ITPR1: variants seen among roughly 807,000 people sequenced by gnomAD.
The protein encoded by ITPR1 is inositol 1,4,5-trisphosphate-gated calcium channel ITPR1.
Under a neutral mutation model 318.4 loss-of-function variants are expected in ITPR1, and 96 were observed. That is an observed-to-expected ratio of 0.30 (90% CI 0.26 to 0.36). The LOEUF is 0.36. Among genes scored for constraint, ITPR1 ranks in the 10% least tolerant of loss-of-function variants. The pLI is 1.00. For synonymous variants in ITPR1, 1,312 were observed against 1,289.9 expected (o/e 1.02, Z -0.37); for missense variants, 2,440 against 3,460.2 (o/e 0.71, Z 7.40).
chr3:4,579,013 T>TGACC (rs1378362781), intron 4 of ITPR1, among the ~76,000 whole-genome samples: 8 of 152,312 alleles, frequency 5.3e-5, no homozygotes, highest in African/African-American at 1.7e-4. Flanking sequence ...ATTGCTGATT[T>TGACC]TGCTTCCAGG....
rs531961788 is a variant in ITPR1 at position 4,704,138 on chromosome 3, C to T, written c.4657+1188C>T. On this transcript the variant is annotated intron_variant, in intron 36 of 61. Coordinates refer to ENST00000649015, the MANE Select transcript of ITPR1 (RefSeq NM_001378452.1). ...GAAAAACTACCTGTTGGAGGCCGGG[C>T]GCAGTGGCTCATGCCTGTAATCCCA... Among the ~76,000 whole-genome samples, 130 of 152,272 alleles carry T rather than the reference C, an allele frequency of 8.5e-4. 3 individuals are homozygous for T. The South Asian group carries it at 0.023, about 27-fold the overall frequency.
At chr3:4,656,146 T>C (rs1209710508) in intron 12 of ITPR1, among the ~76,000 whole-genome samples, 1 of 152,224 alleles carries the variant, frequency 6.6e-6, no homozygotes, top group Non-Finnish European at 1.5e-5. Context: ...CTTCTGCACA[T>C]GTGCCTTTCT....
chr3:4,662,658 G>A (rs1304316555), intron 15 of ITPR1, among the ~76,000 whole-genome samples: 3 of 152,144 alleles, frequency 2.0e-5, no homozygotes, highest in African/African-American at 7.2e-5. Flanking sequence ...AGGAGGCGGA[G>A]GTTATAGTGA....
intron 4 of ITPR1, among the ~76,000 whole-genome samples, chr3:4,566,208 C>T (rs536786837): frequency 3.9e-5 from 6 of 152,260 alleles, no homozygotes; most frequent in East Asian, 1.9e-4. Flanking sequence ...GGAAACTGAA[C>T]CTCAGATTTT....
chr3:4,700,828 G>C (rs2094637436), intron 35 of ITPR1, among the ~76,000 whole-genome samples: 1 of 152,242 alleles, frequency 6.6e-6, no homozygotes, highest in Non-Finnish European at 1.5e-5. Flanking sequence ...CACAGTCATG[G>C]TGGAGGGTGA....
In ITPR1 at chr3:4,691,183, A is replaced by G. The variant is rs752773803; in HGVS notation, c.3868A>G (p.Asn1290Asp). 1 of 1,612,952 alleles carries G rather than the reference A, an allele frequency of 6.2e-7. No individual in the cohort carries two copies. The highest frequency in any genetic ancestry group is 8.5e-7 in the Non-Finnish European group (1 of 1,179,288). Residue 1290 changes from asparagine (N) to aspartate (D), a missense_variant, in exon 32 of 62, where the codon AAT becomes GAT. Asn to Asp is a conservative substitution (Grantham distance 23). Transcript: ENST00000649015. ...AACCATGCAGCACATCTTCATGAAC[A>G]ATTTCCAGCTTTGCAGTGAGATCAA... ...AVTMQHIFMNNFQLCSEINER... is the reference protein window; with the variant it reads ...AVTMQHIFMNDFQLCSEINER...
At chr3:4,841,200 T>A (rs1014676962) in intron 61 of ITPR1, among the ~76,000 whole-genome samples, 2 of 152,142 alleles carry the variant, frequency 1.3e-5, no homozygotes, top group African/African-American at 4.8e-5. Context: ...GACAAAGAAG[T>A]AGACCTCTAG....
chr3:4,764,719 T>C (rs990401415), intron 44 of ITPR1, among the ~76,000 whole-genome samples: 6 of 152,208 alleles, frequency 3.9e-5, no homozygotes, highest in African/African-American at 9.6e-5. Context: ...GGCAGTGGCA[T>C]TGAGCGTCTG....
chr3:4,667,313 G>A lies in ITPR1; in HGVS notation c.1714-64G>A. 5 of 1,282,660 alleles carry A rather than the reference G, an allele frequency of 3.9e-6. No individual in the cohort carries two copies. In the South Asian group the frequency reaches 4.1e-5, roughly 11 times the overall value. 79.5% of individuals were successfully genotyped at this position (1,282,660 alleles called of 1,614,324 possible). A position where few individuals can be genotyped will look rare whatever the true frequency, so the allele number is the denominator to read the frequency against. On this transcript the variant is annotated intron_variant, in intron 17 of 61. Coordinates refer to ENST00000649015, the MANE Select transcript of ITPR1 (RefSeq NM_001378452.1). ...TCAGGAAACATTGCTGCTTTCTTTA[G>A]TCTACGCTTAACCATATTGTCATTT...
intron 57 of ITPR1, 32 bp from the exon 58 acceptor site, chr3:4,814,391 T>G (rs769532369): frequency 6.2e-7 from 1 of 1,613,152 alleles, no homozygotes; most frequent in African/African-American, 1.3e-5. Flanking sequence ...CTCCTCACGT[T>G]TTCTCTCTGT....
chr3:4,719,400 A>C (rs993332647), intron 40 of ITPR1, among the ~76,000 whole-genome samples: 6 of 152,128 alleles, frequency 3.9e-5, no homozygotes, highest in African/African-American at 1.4e-4. Flanking sequence ...GGAAGCTACC[A>C]CAGCTCCTGT....
intron 4 of ITPR1, among the ~76,000 whole-genome samples, chr3:4,609,343 A>G (rs1369054832): frequency 6.6e-6 from 1 of 151,880 alleles, no homozygotes; most frequent in Non-Finnish European, 1.5e-5. Flanking sequence ...GCTAGGATAA[A>G]AATAAAAGGT....
At chr3:4,572,022 G>C (rs2088059629) in intron 4 of ITPR1, among the ~76,000 whole-genome samples, 1 of 152,176 alleles carries the variant, frequency 6.6e-6, no homozygotes. Context: ...CTAAATCCTA[G>C]CTCATGGATT....
intron 10 of ITPR1, among the ~76,000 whole-genome samples, chr3:4,648,016 G>T (rs2093502006): frequency 6.6e-6 from 1 of 152,186 alleles, no homozygotes; most frequent in Non-Finnish European, 1.5e-5. Flanking sequence ...GCCAAGCGTG[G>T]TGGCACATGC....
intron 4 of ITPR1, among the ~76,000 whole-genome samples, chr3:4,548,783 T>G (rs963476552): frequency 1.3e-5 from 2 of 152,216 alleles, no homozygotes; most frequent in African/African-American, 4.8e-5. Flanking sequence ...CCTTTTAATC[T>G]AAAGTAACTT....
At chr3:4,552,127 T>G (rs1303299813) in intron 4 of ITPR1, among the ~76,000 whole-genome samples, 2 of 152,228 alleles carry the variant, frequency 1.3e-5, no homozygotes, top group Non-Finnish European at 2.9e-5. Flanking sequence ...CTTTTTCTAG[T>G]CTCTCACTCA....
intron 4 of ITPR1, chr3:4,596,101 A>C (rs2090789232): frequency 6.6e-6 from 1 of 152,144 alleles, no homozygotes; most frequent in Admixed American, 6.5e-5. Context: ...TTACAGACAA[A>C]TGCTCTTCTC....
intron 42 of ITPR1, among the ~76,000 whole-genome samples, chr3:4,731,264 G>T (rs901667643): frequency 6.6e-6 from 1 of 152,188 alleles, no homozygotes; most frequent in Non-Finnish European, 1.5e-5. Context: ...TGGTGCCTGA[G>T]ACTGGAATAC....
At chr3:4,717,908 C>T (rs1457834258) in intron 40 of ITPR1, among the ~76,000 whole-genome samples, 1 of 152,194 alleles carries the variant, frequency 6.6e-6, no homozygotes, top group African/African-American at 2.4e-5. Flanking sequence ...TGAATTCCTA[C>T]GTGCTAGTTG....
Sources: gnomAD v4.1 joint callset for allele counts (sites outside exome capture counted in the v4.1 genomes callset) on GRCh38, gnomAD v4.1.1 for gene constraint, MANE v1.5 for transcripts, NCBI Gene and HGNC (gene_info 2026-07-23, HGNC 2026-07-21) for gene names.